Variants in CUL5 observed in about 807,000 individuals in gnomAD.
CUL5 encodes the protein cullin-5.
In CUL5, 26 loss-of-function variants were observed where a neutral mutation model predicts 108.8. The ratio of observed to expected loss-of-function variants is 0.24; its 90% CI spans 0.18 to 0.33. The LOEUF (loss-of-function observed/expected upper bound fraction) is 0.33, where lower values mean the gene tolerates loss of function less well. Among genes scored for constraint, CUL5 ranks in the 10% least tolerant of loss-of-function variants. CUL5 has a pLI of 1.00. For missense variants in CUL5, 524 were observed against 909.2 expected (o/e 0.58, Z 5.45); for synonymous variants, 334 against 298.0 (o/e 1.12, Z -1.25).
Position 108,017,587 on chromosome 11 carries a change from C to T in CUL5, c.24+8215C>T, listed in dbSNP as rs143183095. Among the ~76,000 whole-genome samples, 530 of 152,222 alleles carry T rather than the reference C, an allele frequency of 3.5e-3. 4 individuals carry two copies. Among genetic ancestry groups the T allele is most frequent in the African/African-American group, 0.011 (468 of 41,532 alleles). On this transcript the variant is annotated intron_variant, in intron 1 of 18. Transcript: ENST00000393094. ...GTTCAAGGCCGGATGCGGAGGCTCA[C>T]GCCTGTAATTGCAGCACTTTGAGAA...
At chr11:108,100,686 G>A (rs190652954) in intron 18 of CUL5, among the ~76,000 whole-genome samples, 1,823 of 152,218 alleles carry the variant, frequency 0.012, 17 homozygotes, top group Non-Finnish European at 0.019. Flanking sequence ...CTGTTTGGAG[G>A]AAAAGTAAGA....
chr11:108,047,535 T>C (rs1175641274), intron 3 of CUL5, among the ~76,000 whole-genome samples: 1 of 152,204 alleles, frequency 6.6e-6, no homozygotes, highest in Non-Finnish European at 1.5e-5. Flanking sequence ...AAGTATATGA[T>C]TGGCATATAT....
intron 1 of CUL5, among the ~76,000 whole-genome samples, chr11:108,027,708 C>T (rs1477053292): frequency 6.6e-6 from 1 of 152,120 alleles, no homozygotes; most frequent in Non-Finnish European, 1.5e-5. Context: ...CGCCTGGCTC[C>T]TCGTTTCTCT....
At chr11:108,082,248 C>T (rs1366793136) in intron 11 of CUL5, among the ~76,000 whole-genome samples, 11 of 148,722 alleles carry the variant, frequency 7.4e-5, no homozygotes, top group East Asian at 2.0e-4. Context: ...CCCCTTCCCT[C>T]CCTTTCCCTT....
chr11:108,010,867 G>C (rs1362061059), intron 1 of CUL5, among the ~76,000 whole-genome samples: 1 of 152,162 alleles, frequency 6.6e-6, no homozygotes, highest in Non-Finnish European at 1.5e-5. Context: ...GAGAGGCCAA[G>C]GTGGGAGGAT....
chr11:108,040,240 G>A (rs1052480794), intron 2 of CUL5, among the ~76,000 whole-genome samples: 1 of 152,202 alleles, frequency 6.6e-6, no homozygotes, highest in Non-Finnish European at 1.5e-5. Context: ...AACACTTTGG[G>A]AGGCCGAGGC....
intron 2 of CUL5, among the ~76,000 whole-genome samples, chr11:108,036,637 C>T (rs1862751152): frequency 6.6e-6 from 1 of 152,128 alleles, no homozygotes; most frequent in Non-Finnish European, 1.5e-5. Flanking sequence ...ACCACTGTGC[C>T]AGGCTAATTT....
At chr11:108,062,406 C>T (rs916793098) in intron 7 of CUL5, among the ~76,000 whole-genome samples, 1 of 151,940 alleles carries the variant, frequency 6.6e-6, no homozygotes, top group Non-Finnish European at 1.5e-5. Context: ...TTATCCATAT[C>T]GTTGCTGATC....
At chr11:108,066,439 G>A (rs1863681390) in intron 7 of CUL5, among the ~76,000 whole-genome samples, 2 of 151,632 alleles carry the variant, frequency 1.3e-5, no homozygotes, top group Admixed American at 6.6e-5. Flanking sequence ...ATATTGTCCA[G>A]CAAGAGTCAC....
intron 1 of CUL5, among the ~76,000 whole-genome samples, chr11:108,013,893 AAAC>A (rs1215694612): frequency 6.6e-6 from 1 of 152,154 alleles, no homozygotes; most frequent in Admixed American, 6.5e-5. Context: ...TGTCTCTATA[AAAC>A]AACAACAATA....
chr11:108,016,316 G>C (rs1012243647), intron 1 of CUL5, among the ~76,000 whole-genome samples: 1 of 151,944 alleles, frequency 6.6e-6, no homozygotes, highest in Non-Finnish European at 1.5e-5. Context: ...CCCCAGTCTG[G>C]AGTACAGTGG....
chr11:108,029,080 C>G (rs552128780), intron 1 of CUL5, among the ~76,000 whole-genome samples: 1 of 152,202 alleles, frequency 6.6e-6, no homozygotes, highest in African/African-American at 2.4e-5. Context: ...CTTTCTCTGC[C>G]TAGAATACCC....
At chr11:108,083,350 GT>G (rs1446437612) in intron 11 of CUL5, among the ~76,000 whole-genome samples, 1 of 152,198 alleles carries the variant, frequency 6.6e-6, no homozygotes, top group Middle Eastern at 3.2e-3. Flanking sequence ...TGCTATTACT[GT>G]TAGTGCTACA....
intron 1 of CUL5, among the ~76,000 whole-genome samples, chr11:108,019,011 CT>C (rs1322632976): frequency 1.3e-5 from 2 of 151,902 alleles, no homozygotes; most frequent in East Asian, 1.9e-4. Flanking sequence ...ATGTACAGAC[CT>C]TTTTTTCTTA....
chr11:108,043,486 A>G (rs1591293384), intron 2 of CUL5, among the ~76,000 whole-genome samples: 1 of 152,208 alleles, frequency 6.6e-6, no homozygotes, highest in African/African-American at 2.4e-5. Context: ...GGAAACCATT[A>G]GAGGATTTAA....
At position 108,009,229 on chromosome 11, in the gene CUL5, C is replaced by A; in HGVS notation, c.-120C>A. 1 of 1,073,556 alleles carries A rather than the reference C, an allele frequency of 9.3e-7. No homozygotes were observed. 66.5% of individuals were successfully genotyped at this position (1,073,556 alleles called of 1,614,324 possible). A position where few individuals can be genotyped will look rare whatever the true frequency, so the allele number is the denominator to read the frequency against. ...GTCGGCGCGCTGCTCCAGCGCCCAC[C>A]ACACCCTGGTGCGGGCCGACGGGCC... is the stretch of plus-strand genomic sequence containing the variant. On this transcript the variant is annotated 5_prime_UTR_variant, in exon 1 of 19. Transcript: ENST00000393094.
intron 11 of CUL5, 25 bp from the exon 12 acceptor site, chr11:108,088,502 C>A: frequency 6.4e-7 from 1 of 1,570,656 alleles, no homozygotes; most frequent in Non-Finnish European, 8.6e-7. Context: ...ATTTTTCCAT[C>A]AACTGCTTTT....
chr11:108,084,498 A>G (rs1351685327), intron 11 of CUL5, among the ~76,000 whole-genome samples: 1 of 152,260 alleles, frequency 6.6e-6, no homozygotes, highest in Non-Finnish European at 1.5e-5. Context: ...TCTTCGATTC[A>G]GTGGCTAACC....
At chr11:108,019,918 G>T (rs1445947297) in intron 1 of CUL5, among the ~76,000 whole-genome samples, 1 of 152,092 alleles carries the variant, frequency 6.6e-6, no homozygotes, top group African/African-American at 2.4e-5. Context: ...TCCTGTGTGT[G>T]TAGAGATCAC....
Sources: gnomAD v4.1 joint callset for allele counts (sites outside exome capture counted in the v4.1 genomes callset) on GRCh38, gnomAD v4.1.1 for gene constraint, MANE v1.5 for transcripts, NCBI Gene and HGNC (gene_info 2026-07-23, HGNC 2026-07-21) for gene names.